Variants in BDP1 observed in about 807,000 individuals in gnomAD.
The protein encoded by BDP1 is BDP1 general transcription factor IIIB subunit, also known as transcription factor TFIIIB component B'' homolog.
BDP1 carries 169 observed loss-of-function variants against 266.6 expected under a neutral mutation model. The ratio of observed to expected loss-of-function variants is 0.63; its 90% confidence interval spans 0.56 to 0.72. The LOEUF (loss-of-function observed/expected upper bound fraction) is 0.72, where lower values mean the gene tolerates loss of function less well. Among genes scored for constraint, BDP1 ranks in the 30% least tolerant of loss-of-function variants. BDP1 has a pLI of 0.00. For synonymous variants in BDP1, 1,090 were observed against 1,022.4 expected, an observed-to-expected ratio of 1.07 and a Z score of -1.26; for missense variants, 3,015 against 3,053.8, an observed-to-expected ratio of 0.99 and a Z score of 0.30.
chr5:71,473,904 C>T (rs1762428507), intron 7 of BDP1, among the ~76,000 whole-genome samples: 1 of 151,084 alleles, frequency 6.6e-6, no homozygotes, highest in South Asian at 2.1e-4. Flanking sequence ...TGTTCAATTC[C>T]CTTTTCTAGC....
intron 2 of BDP1, among the ~76,000 whole-genome samples, chr5:71,460,473 A>C (rs1299319630): frequency 2.0e-5 from 3 of 152,248 alleles, no homozygotes; most frequent in Non-Finnish European, 4.4e-5. Context: ...AATGCCTCTT[A>C]GTTTTTTTTA....
At chr5:71,556,730 G>A (rs1193338576) in intron 35 of BDP1, among the ~76,000 whole-genome samples, 156 bp from the exon 36 acceptor site, 1 of 152,070 alleles carries the variant, frequency 6.6e-6, no homozygotes, top group African/African-American at 2.4e-5. Flanking sequence ...TTTTAAAATA[G>A]TAGCAATATT....
intron 4 of BDP1, among the ~76,000 whole-genome samples, chr5:71,464,864 G>A (rs1215004188): frequency 2.0e-5 from 3 of 151,758 alleles, no homozygotes; most frequent in Non-Finnish European, 4.4e-5. Flanking sequence ...GACTACGGGT[G>A]TGCGCCACCA....
At chr5:71,461,383 T>C (rs1195400445) in intron 2 of BDP1, among the ~76,000 whole-genome samples, 1 of 151,078 alleles carries the variant, frequency 6.6e-6, no homozygotes, top group Non-Finnish European at 1.5e-5. Flanking sequence ...GGCAGGAGGA[T>C]CACTTGAGCC....
intron 7 of BDP1, among the ~76,000 whole-genome samples, chr5:71,480,943 A>G (rs540179585): frequency 2.0e-5 from 3 of 152,058 alleles, no homozygotes; most frequent in Admixed American, 2.0e-4. Context: ...TTGGGAGGCC[A>G]AGGCGGGTGG....
At chr5:71,527,172 C>T (rs537660610) in intron 25 of BDP1, among the ~76,000 whole-genome samples, 46 of 152,244 alleles carry the variant, frequency 3.0e-4, no homozygotes, top group African/African-American at 9.1e-4. Context: ...CCTCCTGCCT[C>T]GGCCTCCCAA....
chr5:71,530,899 G>A (rs1766204179), intron 25 of BDP1, among the ~76,000 whole-genome samples: 1 of 152,038 alleles, frequency 6.6e-6, no homozygotes, highest in South Asian at 2.1e-4. Context: ...GCAACATGGC[G>A]AAACCTCATC....
At chr5:71,484,934 C>T (rs781087556) in intron 8 of BDP1, among the ~76,000 whole-genome samples, 1 of 151,892 alleles carries the variant, frequency 6.6e-6, no homozygotes, top group Non-Finnish European at 1.5e-5. Flanking sequence ...GATCCTACAC[C>T]CAGTGTTTTA....
At chr5:71,527,556 G>C (rs1053431753) in intron 25 of BDP1, among the ~76,000 whole-genome samples, 1 of 151,992 alleles carries the variant, frequency 6.6e-6, no homozygotes, top group Non-Finnish European at 1.5e-5. Context: ...TTAGCATAAT[G>C]TTTTCACAGT....
chr5:71,461,152 T>C (rs772293752), intron 2 of BDP1, among the ~76,000 whole-genome samples: 1 of 152,062 alleles, frequency 6.6e-6, no homozygotes, highest in Non-Finnish European at 1.5e-5. Flanking sequence ...GCTAATTTTT[T>C]TGTATTTTTT....
Position 71,501,550 on chromosome 5 carries a change from T to C in BDP1, c.1957-12T>C. ...TTGTAAGTAGATAAATTGTAGCAAA[T>C]TAAATTCACAGAACCACGTGGAAAA... On this transcript the variant is annotated splice_polypyrimidine_tract_variant and intron_variant, in intron 13 of 38. Transcript: ENST00000358731. The C allele has an allele frequency of 6.8e-7, 1 of 1,475,916 alleles. No individual in the cohort carries two copies. The highest frequency in any genetic ancestry group is 9.4e-7 in the Non-Finnish European group (1 of 1,061,900). 91.4% of individuals were successfully genotyped at this position (1,475,916 alleles called of 1,614,324 possible).
chr5:71,491,750 C>T, intron 11 of BDP1, among the ~76,000 whole-genome samples: 1 of 152,146 alleles, frequency 6.6e-6, no homozygotes, highest in Non-Finnish European at 1.5e-5. Flanking sequence ...TGGGGTCGGT[C>T]TCTGTCACGC....
chr5:71,534,437 A>T (rs1233470102), intron 26 of BDP1, among the ~76,000 whole-genome samples: 1 of 151,998 alleles, frequency 6.6e-6, no homozygotes, highest in Non-Finnish European at 1.5e-5. Context: ...TGTTGCATAG[A>T]TCTATATGTC....
In BDP1 at chr5:71,510,171, G is replaced by C. The variant is rs1413995894; in HGVS notation, c.3079G>C (p.Glu1027Gln). Residue 1027 changes from glutamate (E) to glutamine (Q), a missense_variant, in exon 17 of 39, where the codon GAG becomes CAG. Around this residue, in one of 3 missense-constraint regions of BDP1, gnomAD observed 2,383 missense variants for 2,404.9 expected, o/e 0.99. Coordinates refer to ENST00000358731, the MANE Select transcript of BDP1 (RefSeq NM_018429.3). ...GAGTTCTCCAAGGGAGAAGACACCA[G>C]AGGTGATTGATGCTACTGAGGAAAT... ...RESSPREKTP[E>Q]VIDATEEIDL... is the part of the protein sequence containing the mutation. 6.2e-7 allele frequency: 1 copy of C among 1,613,914 alleles called. No homozygotes were observed. The highest frequency in any genetic ancestry group is 2.2e-5 in the East Asian group (1 of 44,836).
intron 35 of BDP1, among the ~76,000 whole-genome samples, chr5:71,555,059 T>C (rs1460692096): frequency 6.6e-6 from 1 of 152,232 alleles, no homozygotes; most frequent in African/African-American, 2.4e-5. Flanking sequence ...ACACATACAC[T>C]GTATTCAGAT....
In BDP1 at chr5:71,533,432, G is replaced by T. The variant is rs138319969; in HGVS notation, c.5892+1005G>T. On this transcript the variant is annotated intron_variant, in intron 26 of 38. Coordinates refer to ENST00000358731, the MANE Select transcript of BDP1 (RefSeq NM_018429.3). ...GTTCCTGTTCTTCCATGTCCTTGCC[G>T]GCACTTGTTATTTCACTTTTTTTTT... 1.7e-3 allele frequency among the ~76,000 whole-genome samples: 263 copies of T among 151,228 alleles called. 3 individuals carry two copies. Among genetic ancestry groups the T allele is most frequent in the African/African-American group, 5.7e-3 (235 of 41,246 alleles).
At chr5:71,555,135 A>G (rs903609680) in intron 35 of BDP1, among the ~76,000 whole-genome samples, 8 of 152,214 alleles carry the variant, frequency 5.3e-5, no homozygotes, top group Non-Finnish European at 1.0e-4. Context: ...TCTGGAGATT[A>G]TGTTATACAT....
Position 71,513,238 on chromosome 5 carries a change from T to C in BDP1, c.4301T>C (p.Val1434Ala). ...KPLEIKPAPF[V>A]RSRFKRPKPN... ...CTTGAAATTAAACCAGCACCTTTTG[T>C]GAGGAGCCGATTCAAAAGACCAAAA... is the stretch of plus-strand genomic sequence containing the variant. The change falls in exon 19 of 39, where the codon GTG (valine) becomes GCG (alanine). Residue 1434 changes from valine (V) to alanine (A), a missense_variant. Val to Ala is a moderately conservative substitution (Grantham distance 64, BLOSUM62 0). Transcript: ENST00000358731. 6.2e-7 allele frequency: 1 copy of C among 1,613,734 alleles called. No individual in the cohort carries two copies. The highest frequency in any genetic ancestry group is 8.5e-7 in the Non-Finnish European group (1 of 1,179,990).
intron 7 of BDP1, among the ~76,000 whole-genome samples, chr5:71,478,801 C>T (rs1163321766): frequency 6.6e-6 from 1 of 152,022 alleles, no homozygotes. Flanking sequence ...TTAATCCTCT[C>T]GTTCTGGAAC....
Sources: allele counts gnomAD v4.1 joint callset (sites outside exome capture counted in the v4.1 genomes callset), GRCh38; gene constraint gnomAD v4.1.1; regional missense constraint gnomAD v4.1.1; transcripts MANE v1.5; gene names NCBI Gene and HGNC (gene_info 2026-07-23, HGNC 2026-07-21).